Variants in HAUS2 observed in about 807,000 individuals in gnomAD.
The protein encoded by HAUS2 is HAUS augmin like complex subunit 2.
In HAUS2, 20 loss-of-function variants were observed where a neutral mutation model predicts 21.6. That is an observed-to-expected ratio of 0.93 (90% CI 0.65 to 1.35). HAUS2 has a LOEUF of 1.35. HAUS2 is among the 40% of genes most tolerant of loss of function. The pLI is 0.00. For missense variants in HAUS2, 297 were observed against 280.7 expected (o/e 1.06, Z -0.42); for synonymous variants, 113 against 95.6 (o/e 1.18, Z -1.06).
intron 1 of HAUS2, among the ~76,000 whole-genome samples, chr15:42,555,825 A>G (rs777436046): frequency 6.6e-6 from 1 of 152,220 alleles, no homozygotes; most frequent in Non-Finnish European, 1.5e-5. Context: ...TGTGGGCCAT[A>G]TGGTTGCAGC....
chr15:42,549,171 T>C (rs765619722), intron 1 of HAUS2, among the ~76,000 whole-genome samples: 3 of 152,132 alleles, frequency 2.0e-5, no homozygotes, highest in Non-Finnish European at 4.4e-5. Flanking sequence ...GTGTTTAGGG[T>C]AGACTGTGTT....
At position 42,564,001 on chromosome 15, in the gene HAUS2, C is replaced by T. The variant is rs1595556138; in HGVS notation, c.498+144C>T. ...ATTTTCTTGGCCTGGCATGGTAGTT[C>T]ACACCTGTAATCCCTGCACTTTGGG... On this transcript the variant is annotated intron_variant, in intron 5 of 5. Coordinates refer to ENST00000260372, the MANE Select transcript of HAUS2 (RefSeq NM_018097.3). 8.5e-6 allele frequency: 5 copies of T among 588,072 alleles called. No individual in the cohort carries two copies. In the East Asian group the frequency reaches 1.6e-4, roughly 19 times the overall value. The allele number at this position is 588,072 out of a possible 1,614,324, so 36.4% of individuals were successfully genotyped here.
intron 5 of HAUS2, among the ~76,000 whole-genome samples, chr15:42,565,781 AT>A (rs1430682036): frequency 2.0e-5 from 3 of 152,144 alleles, no homozygotes. Context: ...ACAGAAGATA[AT>A]TTTTTTAGAT....
intron 4 of HAUS2, among the ~76,000 whole-genome samples, chr15:42,562,041 C>T (rs939361093): frequency 2.0e-5 from 3 of 151,630 alleles, no homozygotes; most frequent in Non-Finnish European, 4.4e-5. Context: ...AAATTAGCAA[C>T]ACATGATGGA....
At chr15:42,565,387 ATG>A (rs139933934) in intron 5 of HAUS2, among the ~76,000 whole-genome samples, 10,764 of 136,282 alleles carry the variant, frequency 0.079, 394 homozygotes, top group Middle Eastern at 0.13. Flanking sequence ...GAGCCATTGA[ATG>A]TGTGTGTGTG....
rs755169594 is a variant in HAUS2, at chr15:42,566,647, C to T, written c.539C>T (p.Thr180Ile). The change falls in exon 6 of 6, where the codon ACA (threonine) becomes ATA (isoleucine). Residue 180 changes from threonine to isoleucine, a missense_variant. By Grantham distance (89) the Thr-to-Ile change is moderately conservative. Coordinates refer to ENST00000260372, the MANE Select transcript of HAUS2 (RefSeq NM_018097.3). ...AAGATGGATATATTGGTGACTGAGA[C>T]AGAAGAACTGGCAGAGAATATACTC... ...LAKMDILVTE[T>I]EELAENILKW... The T allele has an allele frequency of 2.5e-6, 4 of 1,609,236 alleles. No homozygotes were observed. Among genetic ancestry groups the T allele is most frequent in the South Asian group, 1.1e-5 (1 of 91,010 alleles).
rs1048036122 is a variant in HAUS2, at chr15:42,569,059, G to T, written c.*2243G>T. Reference sequence around the variant, plus strand: ...GAATAGGCAAAGAAGAAACAGCAAAGAAAAAGGCACACTGTGGTATAACTT... The same window carrying T: ...GAATAGGCAAAGAAGAAACAGCAAATAAAAAGGCACACTGTGGTATAACTT... On this transcript the variant is annotated 3_prime_UTR_variant, in exon 6 of 6. Coordinates refer to ENST00000260372, the MANE Select transcript of HAUS2 (RefSeq NM_018097.3). 1.3e-5 allele frequency: 2 copies of T among 152,084 alleles called. No homozygotes were observed. Among genetic ancestry groups the T allele is most frequent in the Non-Finnish European group, 2.9e-5 (2 of 68,002 alleles). 9.4% of individuals were successfully genotyped at this position (152,084 alleles called of 1,614,324 possible).
At position 42,567,574 on chromosome 15, in the gene HAUS2, C is replaced by T. The variant is rs983422624; in HGVS notation, c.*758C>T. On this transcript the variant is annotated 3_prime_UTR_variant, in exon 6 of 6. Transcript: ENST00000260372. ...AAAAATTAGGCCGGGCGCAGTGGCT[C>T]ACACCTGTAATCCCAACACTTTGGG... 1 of 152,300 alleles carries T rather than the reference C, an allele frequency of 6.6e-6. No individual in the cohort carries two copies. Among genetic ancestry groups the T allele is most frequent in the Non-Finnish European group, 1.5e-5 (1 of 68,192 alleles). The allele number at this position is 152,300 out of a possible 1,614,324, so 9.4% of individuals were successfully genotyped here. A position where few individuals can be genotyped will look rare whatever the true frequency, so the allele number is the denominator to read the frequency against.
chr15:42,551,768 CTT>C (rs771739012), intron 1 of HAUS2, among the ~76,000 whole-genome samples: 2 of 152,000 alleles, frequency 1.3e-5, no homozygotes, highest in Non-Finnish European at 2.9e-5. Flanking sequence ...TGGGTGAACT[CTT>C]TTTTGGGGGT....
chr15:42,552,213 G>A, intron 1 of HAUS2, among the ~76,000 whole-genome samples: 1 of 151,810 alleles, frequency 6.6e-6, no homozygotes, highest in Non-Finnish European at 1.5e-5. Context: ...TAGTAGAGAT[G>A]GGGTTTCACC....
At chr15:42,549,519 T>C (rs1277322967) in intron 1 of HAUS2, among the ~76,000 whole-genome samples, 1 of 151,912 alleles carries the variant, frequency 6.6e-6, no homozygotes, top group African/African-American at 2.4e-5. Context: ...TGGTCTCGGC[T>C]CACTGCAACC....
In HAUS2 at chr15:42,561,281, C is replaced by T; in HGVS notation, c.268C>T (p.His90Tyr). ...TTTAATTTGTATAGCTCAGAAGTGT[C>T]ATACTCTGCAAAGCATGAATAATCA... ...VHPFFLAQKC[H>Y]TLQSMNNHLE... Residue 90 changes from histidine to tyrosine, a missense_variant, in exon 4 of 6, where the codon CAT (histidine) becomes TAT (tyrosine). His to Tyr is a moderately conservative substitution (Grantham distance 83). Transcript: ENST00000260372. 1.9e-6 allele frequency: 3 copies of T among 1,547,576 alleles called. No homozygotes were observed. The highest frequency in any genetic ancestry group is 2.7e-6 in the Non-Finnish European group (3 of 1,119,830).
intron 1 of HAUS2, among the ~76,000 whole-genome samples, chr15:42,553,208 A>G (rs2057742422): frequency 6.6e-6 from 1 of 152,064 alleles, no homozygotes; most frequent in African/African-American, 2.4e-5. Flanking sequence ...GCAGTTCTCG[A>G]ACTCCTGACC....
intron 3 of HAUS2, among the ~76,000 whole-genome samples, chr15:42,560,620 CTT>C (rs35827490): frequency 1.0e-4 from 14 of 139,988 alleles, no homozygotes; most frequent in African/African-American, 1.5e-4. Context: ...TGTAGGATGA[CTT>C]TTTTTTTTTT....
chr15:42,553,251 CT>C (rs1429118021), intron 1 of HAUS2, among the ~76,000 whole-genome samples: 1 of 152,066 alleles, frequency 6.6e-6, no homozygotes, highest in African/African-American at 2.4e-5. Flanking sequence ...TCCCAAAGTG[CT>C]GGGATTACAG....
chr15:42,567,245 C>T lies in HAUS2; in HGVS notation c.*429C>T, dbSNP rs1481915507. ...TGAAATCCCATATCTACAAAATAAA[C>T]AAAAAATTAGCCGACCATGGTGGTG... On this transcript the variant is annotated 3_prime_UTR_variant, in exon 6 of 6. Transcript: ENST00000260372. 2 of 166,890 alleles carry T rather than the reference C, an allele frequency of 1.2e-5. No individual in the cohort carries two copies. Among genetic ancestry groups the T allele is most frequent in the Non-Finnish European group, 2.6e-5 (2 of 78,040 alleles). The allele number at this position is 166,890 out of a possible 1,614,324, so 10.3% of individuals were successfully genotyped here.
intron 1 of HAUS2, among the ~76,000 whole-genome samples, chr15:42,553,478 T>C (rs1390450743): frequency 7.6e-6 from 1 of 131,384 alleles, no homozygotes; most frequent in South Asian, 2.3e-4. Flanking sequence ...GATACTTTTT[T>C]CTTTTTTTTT....
intron 4 of HAUS2, among the ~76,000 whole-genome samples, chr15:42,563,447 G>C (rs1223967095): frequency 6.6e-6 from 1 of 151,812 alleles, no homozygotes; most frequent in African/African-American, 2.4e-5. Flanking sequence ...AAATGGAATG[G>C]GGTTTTTTTA....
rs1190846070 is a variant in HAUS2 at position 42,569,512 on chromosome 15, G to T, written c.*2696G>T. ...TGTAGAGACAGAGTTTTGCCATGTT[G>T]TTGAGGCTGGTCTTGAACTCCTGGG... On this transcript the variant is annotated 3_prime_UTR_variant, in exon 6 of 6. Coordinates refer to ENST00000260372, the MANE Select transcript of HAUS2 (RefSeq NM_018097.3). 1 of 151,930 alleles carries T rather than the reference G, an allele frequency of 6.6e-6. No homozygotes were observed. Among genetic ancestry groups the T allele is most frequent in the African/African-American group, 2.4e-5 (1 of 41,316 alleles). The allele number at this position is 151,930 out of a possible 1,614,324, so 9.4% of individuals were successfully genotyped here.
Sources: allele counts gnomAD v4.1 joint callset (sites outside exome capture counted in the v4.1 genomes callset), GRCh38; gene constraint gnomAD v4.1.1; transcripts MANE v1.5; gene names NCBI Gene and HGNC (gene_info 2026-07-23, HGNC 2026-07-21).